Variants in MTDH observed in about 807,000 individuals in gnomAD.
The protein encoded by MTDH is protein LYRIC.
In MTDH, 34 loss-of-function variants were observed where a neutral mutation model predicts 72.7. The ratio of observed to expected loss-of-function variants is 0.47; its 90% CI spans 0.36 to 0.62. The LOEUF is 0.62. MTDH is among the 20% of genes least tolerant of loss of function. The pLI, the probability that MTDH is intolerant of heterozygous loss-of-function variation, is 0.00. For synonymous variants in MTDH, 266 were observed against 268.9 expected (o/e 0.99, Z 0.10); for missense variants, 677 against 699.4 (o/e 0.97, Z 0.36).
At chr8:97,675,223 A>G (rs967657791) in intron 2 of MTDH, among the ~76,000 whole-genome samples, 1 of 152,170 alleles carries the variant, frequency 6.6e-6, no homozygotes, top group African/African-American at 2.4e-5. Flanking sequence ...CCAAATTTTT[A>G]AGGACCAGTA....
chr8:97,706,397 A>G (rs1216056170), intron 7 of MTDH: 2 of 272,048 alleles, frequency 7.4e-6, no homozygotes, highest in African/African-American at 4.4e-5. Flanking sequence ...TGGCTAATAA[A>G]TTTTCTGGAA....
rs1563573831 is a variant in MTDH, at chr8:97,722,972, ATAC to A, written c.1619_1621del (p.Leu540del). The A allele has an allele frequency of 2.5e-6, 4 of 1,614,198 alleles. No homozygotes were observed. Among genetic ancestry groups the A allele is most frequent in the Admixed American group, 3.3e-5 (2 of 60,012 alleles). On this transcript the variant is annotated inframe_deletion, in exon 11 of 12. Transcript: ENST00000336273. ...CAAGAGCTCTTCCCAAGTGCCGCCA[ATAC>A]TACAAGAGACAGATAAATCCAAGTC... is the stretch of plus-strand genomic sequence containing the variant.
chr8:97,674,024 C>T (rs1812743103), intron 2 of MTDH, among the ~76,000 whole-genome samples: 1 of 152,016 alleles, frequency 6.6e-6, no homozygotes, highest in Non-Finnish European at 1.5e-5. Flanking sequence ...GGCATGGTGG[C>T]ATGCACCTGT....
rs1309370016 is a variant in MTDH, at chr8:97,713,795, C to T, written c.1380+26C>T. 6 of 1,349,668 alleles carry T rather than the reference C, an allele frequency of 4.4e-6. No homozygotes were observed. In the East Asian group the frequency reaches 1.2e-4, roughly 27 times the overall value. The allele number at this position is 1,349,668 out of a possible 1,614,324, so 83.6% of individuals were successfully genotyped here. A position where few individuals can be genotyped will look rare whatever the true frequency, so the allele number is the denominator to read the frequency against. On this transcript the variant is annotated intron_variant, in intron 9 of 11. Transcript: ENST00000336273. The stretch of plus-strand genomic sequence containing the variant: ...GTAAAATGTCAGAACAACAAGCATT[C>T]ATTAAGCGCCTCCGGCTTAAAATGT...
intron 1 of MTDH, among the ~76,000 whole-genome samples, chr8:97,659,552 C>T (rs1419316153): frequency 6.6e-6 from 1 of 152,196 alleles, no homozygotes; most frequent in Non-Finnish European, 1.5e-5. Context: ...GTCTCCTTTT[C>T]CAACTTTGTA....
rs1247734857 is a variant in MTDH, at chr8:97,644,470, C to G, written c.-37C>G. 1.3e-6 allele frequency: 2 copies of G among 1,533,878 alleles called. No homozygotes were observed. Among genetic ancestry groups the G allele is most frequent in the African/African-American group, 1.4e-5 (1 of 71,326 alleles). ...ACTATTCCACTGCGTCTCCGCGCCC[C>G]GGCGTCATCCTGCGAGTCCCTCTGA... On this transcript the variant is annotated 5_prime_UTR_variant, in exon 1 of 12. Transcript: ENST00000336273.
rs1260779485 is a variant in MTDH at position 97,688,465 on chromosome 8, C to A, written c.746-573C>A. On this transcript the variant is annotated intron_variant, in intron 4 of 11. Coordinates refer to ENST00000336273, the MANE Select transcript of MTDH (RefSeq NM_178812.4). ...TAGTATTTTTGTTGATTCTTTTTCG[C>A]TGTCTTGTGCATGCCATCCTTGCTA... Among the ~76,000 whole-genome samples, 7 of 152,102 alleles carry A rather than the reference C, an allele frequency of 4.6e-5. No individual in the cohort carries two copies. The East Asian group carries it at 1.3e-3, about 29-fold the overall frequency.
intron 2 of MTDH, among the ~76,000 whole-genome samples, chr8:97,675,872 CA>C (rs111835525): frequency 1.9e-4 from 25 of 134,580 alleles, no homozygotes; most frequent in Non-Finnish European, 1.9e-4. Context: ...ACCCTGTCTA[CA>C]AAAAAAAAAG....
chr8:97,714,156 G>C (rs1216604836), intron 9 of MTDH, among the ~76,000 whole-genome samples: 1 of 152,160 alleles, frequency 6.6e-6, no homozygotes, highest in Non-Finnish European at 1.5e-5. Context: ...ACTTGACTTT[G>C]AGTTTGCTGG....
At chr8:97,674,358 TAAG>T (rs1355242479) in intron 2 of MTDH, among the ~76,000 whole-genome samples, 6 of 152,312 alleles carry the variant, frequency 3.9e-5, no homozygotes, top group African/African-American at 1.4e-4. Context: ...TTTCTACTCT[TAAG>T]GAGATTTGTG....
At chr8:97,694,008 T>A (rs1813723789) in intron 6 of MTDH, among the ~76,000 whole-genome samples, 1 of 152,024 alleles carries the variant, frequency 6.6e-6, no homozygotes, top group Admixed American at 6.6e-5. Flanking sequence ...GGCCACCACA[T>A]CTGCCTACTA....
intron 2 of MTDH, among the ~76,000 whole-genome samples, chr8:97,681,655 G>A (rs1427774723): frequency 1.3e-5 from 2 of 151,822 alleles, no homozygotes; most frequent in Non-Finnish European, 2.9e-5. Context: ...CAGCACGCTT[G>A]GCTGATTTTT....
chr8:97,713,018 G>A (rs1044726216), intron 8 of MTDH, among the ~76,000 whole-genome samples: 1 of 152,114 alleles, frequency 6.6e-6, no homozygotes, highest in African/African-American at 2.4e-5. Context: ...AACGCAAATT[G>A]CACTACATTT....
intron 11 of MTDH, 81 bp downstream of exon 11, chr8:97,723,116 A>AG: frequency 6.9e-7 from 1 of 1,457,246 alleles, no homozygotes; most frequent in Non-Finnish European, 9.3e-7. Flanking sequence ...AGTCTAATGG[A>AG]GGCCAGGCGC....
intron 2 of MTDH, among the ~76,000 whole-genome samples, chr8:97,673,600 C>T (rs2516349): frequency 0.17 from 26,213 of 150,062 alleles, 3,414 homozygotes; most frequent in African/African-American, 0.34. Context: ...GTGGAGGTTG[C>T]AGTGAGCTGA....
chr8:97,707,152 CTTTTTTTT>C (rs575001649), intron 8 of MTDH, among the ~76,000 whole-genome samples: 1 of 131,206 alleles, frequency 7.6e-6, no homozygotes, highest in African/African-American at 2.8e-5. Context: ...GTCTTTTTTT[CTTTTTTTT>C]TTTTTTTCGG....
intron 1 of MTDH, among the ~76,000 whole-genome samples, chr8:97,654,486 C>A (rs1811890303): frequency 6.6e-6 from 1 of 151,888 alleles, no homozygotes; most frequent in Non-Finnish European, 1.5e-5. Flanking sequence ...ATTGTTAAGA[C>A]TGTCTTATAG....
intron 11 of MTDH, among the ~76,000 whole-genome samples, chr8:97,724,291 AGT>A (rs1815271646): frequency 6.6e-6 from 1 of 152,070 alleles, no homozygotes. Context: ...AGCTACCTTT[AGT>A]ATCCATTTTA....
chr8:97,662,549 C>T (rs1390821999), intron 2 of MTDH, among the ~76,000 whole-genome samples: 1 of 151,318 alleles, frequency 6.6e-6, no homozygotes, highest in African/African-American at 2.4e-5. Context: ...ACTTTGGGAG[C>T]CCAAGGCAGG....
Sources: gnomAD v4.1 joint callset for allele counts (sites outside exome capture counted in the v4.1 genomes callset) on GRCh38, gnomAD v4.1.1 for gene constraint, MANE v1.5 for transcripts, NCBI Gene and HGNC (gene_info 2026-07-23, HGNC 2026-07-21) for gene names.